SV2C: variants seen among roughly 807,000 people sequenced by gnomAD.
SV2C encodes the protein synaptic vesicle glycoprotein 2C.
In SV2C, 49 loss-of-function variants were observed where a neutral mutation model predicts 79.7. The observed-to-expected ratio is 0.61, with a 90% CI of 0.49 to 0.78. The LOEUF (loss-of-function observed/expected upper bound fraction) is 0.78. Ranked by LOEUF, SV2C falls within the 30% of genes least tolerant of loss-of-function variation. The pLI is 0.00. For synonymous variants in SV2C, 334 were observed against 333.2 expected, an observed-to-expected ratio of 1.00 and a Z score of -0.03; for missense variants, 833 against 912.9, an observed-to-expected ratio of 0.91 and a Z score of 1.13.
chr5:75,883,147 T>A, the SV2C span, among the ~76,000 whole-genome samples: 2 of 139,680 alleles, frequency 1.4e-5, no homozygotes, highest in Admixed American at 7.1e-5. Flanking sequence ...TGAGATACCA[T>A]CTCACACCAG....
At chr5:76,272,935 A>C (rs1746916352) in intron 4 of SV2C, among the ~76,000 whole-genome samples, 1 of 150,950 alleles carries the variant, frequency 6.6e-6, no homozygotes, top group Non-Finnish European at 1.5e-5. Context: ...ACTTTAAATA[A>C]ACATTTATGT....
At chr5:76,338,584 G>T (rs971988294), downstream of SV2C, among the ~76,000 whole-genome samples, 1 of 152,016 alleles carries the variant, frequency 6.6e-6, no homozygotes, top group Non-Finnish European at 1.5e-5. Flanking sequence ...GGGCTTTGCT[G>T]TGCTATTGCC....
At chr5:76,274,684 C>CTTTTTTT (rs11415755) in intron 4 of SV2C, among the ~76,000 whole-genome samples, 1 of 139,618 alleles carries the variant, frequency 7.2e-6, no homozygotes, top group Non-Finnish European at 1.5e-5. Flanking sequence ...TTTTCTCCTT[C>CTTTTTTT]TTTTTTTTTT....
chr5:76,325,502 C>T lies in SV2C; in HGVS notation c.2139C>T (p.Leu713=), dbSNP rs753152396. 7 of 1,614,006 alleles carry T rather than the reference C, an allele frequency of 4.3e-6. No individual in the cohort carries two copies. The highest frequency in any genetic ancestry group is 2.2e-5 in the South Asian group (2 of 91,086). ...CTACTGTGCTCGTGTGTGGAGGACT[C>T]GTTGGGCTGTGCCTGCCTGACACAC... ...LASTVLVCGG[L]VGLCLPDTRT... The change falls in exon 13 of 13, where the codon CTC becomes CTT. Residue 713 remains leucine, a synonymous_variant. Transcript: ENST00000502798.
the SV2C span, among the ~76,000 whole-genome samples, chr5:75,906,781 C>G: frequency 5.3e-5 from 8 of 152,152 alleles, no homozygotes; most frequent in Admixed American, 2.6e-4. Context: ...TCCTCACTGG[C>G]ACATCTTACA....
chr5:76,240,096 G>A (rs1018120304), intron 4 of SV2C, among the ~76,000 whole-genome samples: 1 of 152,176 alleles, frequency 6.6e-6, no homozygotes, highest in African/African-American at 2.4e-5. Flanking sequence ...CTTGAAAGAT[G>A]AAGAATGTGA....
chr5:76,287,855 G>A (rs1405849608), intron 6 of SV2C, among the ~76,000 whole-genome samples: 1 of 152,230 alleles, frequency 6.6e-6, no homozygotes, highest in Admixed American at 6.5e-5. Context: ...GGGAGGCTGA[G>A]GTGGGCGGAT....
At chr5:75,972,670 G>T in the SV2C span, among the ~76,000 whole-genome samples, 1 of 151,988 alleles carries the variant, frequency 6.6e-6, no homozygotes, top group East Asian at 1.9e-4. Context: ...TAAACAGTCA[G>T]GAAACAACAG....
upstream of SV2C, among the ~76,000 whole-genome samples, chr5:76,081,176 G>A (rs771094534): frequency 6.6e-5 from 10 of 152,120 alleles, no homozygotes; most frequent in Non-Finnish European, 8.8e-5. Flanking sequence ...TATCTTCCAC[G>A]GACAAGATAG....
chr5:76,210,541 C>T (rs1274907416), intron 4 of SV2C, among the ~76,000 whole-genome samples: 5 of 152,182 alleles, frequency 3.3e-5, no homozygotes, highest in Admixed American at 2.0e-4. Flanking sequence ...ATGAGTTCTC[C>T]GCCTCACCAC....
intron 2 of SV2C, 119 bp from the exon 3 acceptor site, chr5:76,194,800 T>C (rs1265707278): frequency 1.5e-5 from 19 of 1,232,512 alleles, no homozygotes; most frequent in Non-Finnish European, 2.2e-5. Context: ...GTTATATTTT[T>C]AAAGGAAATT....
the SV2C span, among the ~76,000 whole-genome samples, chr5:75,954,026 T>C: frequency 6.6e-6 from 1 of 151,946 alleles, no homozygotes; most frequent in Non-Finnish European, 1.5e-5. Context: ...GATTCTGTAA[T>C]TGCATTACTT....
intron 1 of SV2C, among the ~76,000 whole-genome samples, chr5:76,123,982 T>A (rs1748619870): frequency 6.6e-6 from 1 of 152,234 alleles, no homozygotes; most frequent in Admixed American, 6.5e-5. Context: ...ATATTGGAAA[T>A]AAAATTGCTG....
At chr5:75,907,621 G>A in the SV2C span, among the ~76,000 whole-genome samples, 2 of 152,188 alleles carry the variant, frequency 1.3e-5, no homozygotes, top group African/African-American at 4.8e-5. Context: ...GAGCAAAGGT[G>A]ATAACTGTGG....
In SV2C at chr5:76,300,157, ATT is replaced by A. The variant is rs566768753; in HGVS notation, c.1637-571_1637-570del. 0.015 allele frequency among the ~76,000 whole-genome samples: 32 copies of A among 2,202 alleles called. No individual in the cohort carries two copies. In the East Asian group the frequency reaches 0.18, roughly 12 times the overall value. 1.4% of individuals were successfully genotyped at this position (2,202 alleles called of 152,430 possible). ...AGCTCACTGCGGCCTCAAATAAAAA[ATT>A]ATTATTATTATTATTATTATTATTA... On this transcript the variant is annotated intron_variant, in intron 10 of 12. Coordinates refer to ENST00000502798, the MANE Select transcript of SV2C (RefSeq NM_014979.4).
the SV2C span, among the ~76,000 whole-genome samples, chr5:75,851,026 G>C: frequency 6.6e-6 from 1 of 152,096 alleles, no homozygotes; most frequent in African/African-American, 2.4e-5. Context: ...ACTCCCACCA[G>C]CCTAACTCCT....
At chr5:76,130,816 GGAGA>G (rs371912242) in intron 1 of SV2C, among the ~76,000 whole-genome samples, 1 of 151,894 alleles carries the variant, frequency 6.6e-6, no homozygotes, top group African/African-American at 2.4e-5. Context: ...AGGGAGAGAG[GGAGA>G]GAGAGAGAGT....
At chr5:76,214,392 A>G (rs1744854672) in intron 4 of SV2C, among the ~76,000 whole-genome samples, 1 of 152,138 alleles carries the variant, frequency 6.6e-6, no homozygotes, top group Non-Finnish European at 1.5e-5. Context: ...GTTGGTCTAC[A>G]TATCTGTGTT....
At chr5:75,939,659 C>T in the SV2C span, among the ~76,000 whole-genome samples, 3 of 152,118 alleles carry the variant, frequency 2.0e-5, no homozygotes, top group East Asian at 1.9e-4. Flanking sequence ...CCCTTCTCTC[C>T]GTCTAATTGT....
Sources: allele counts gnomAD v4.1 joint callset (sites outside exome capture counted in the v4.1 genomes callset), GRCh38; gene constraint gnomAD v4.1.1; transcripts MANE v1.5; gene names NCBI Gene and HGNC (gene_info 2026-07-23, HGNC 2026-07-21).